PPFIA4: variants seen among roughly 807,000 people sequenced by gnomAD.
PPFIA4 encodes the protein PPFI scaffold protein A4.
A neutral mutation model predicts 145.7 loss-of-function variants in PPFIA4; 98 were observed. The ratio of observed to expected loss-of-function variants is 0.67; its 90% CI spans 0.57 to 0.80. PPFIA4 has a LOEUF of 0.80. Ranked by LOEUF, PPFIA4 falls within the 30% of genes least tolerant of loss-of-function variation. The pLI, the probability that PPFIA4 is intolerant of heterozygous loss-of-function variation, is 0.00. For synonymous variants in PPFIA4, 628 were observed against 649.6 expected (o/e 0.97, Z 0.51); for missense variants, 1,457 against 1,632.7 (o/e 0.89, Z 1.85).
rs1659900197 is a variant in PPFIA4, at chr1:203,044,180, G to A, written c.501+85G>A. 9 of 1,409,752 alleles carry A rather than the reference G, an allele frequency of 6.4e-6. No homozygotes were observed. The Admixed American group carries it at 1.2e-4, about 18-fold the overall frequency. 87.3% of individuals were successfully genotyped at this position (1,409,752 alleles called of 1,614,324 possible). On this transcript the variant is annotated intron_variant, in intron 4 of 29. Coordinates refer to ENST00000295706, the MANE Select transcript of PPFIA4 (RefSeq NM_001304331.2). ...TCCCTTCTCTGAGATTTCCACATCC[G>A]GTATTTAGGGAGCACTGGCTCCCTC... is the stretch of plus-strand genomic sequence containing the variant.
rs892026932 is a variant in PPFIA4 at position 203,046,474 on chromosome 1, A to C, written c.1140+92A>C. 1.3e-5 allele frequency: 18 copies of C among 1,431,028 alleles called. No individual in the cohort carries two copies. In the Admixed American group the frequency reaches 4.3e-4, roughly 34 times the overall value. The allele number at this position is 1,431,028 out of a possible 1,614,324, so 88.6% of individuals were successfully genotyped here. A position where few individuals can be genotyped will look rare whatever the true frequency, so the allele number is the denominator to read the frequency against. Reference sequence around the variant, plus strand: ...AGGGAAGGGAGCGCGTGGGAGGCGCACTGGGCCAGGAGCCAGAAAACTGCT... The same window carrying C: ...AGGGAAGGGAGCGCGTGGGAGGCGCCCTGGGCCAGGAGCCAGAAAACTGCT... On this transcript the variant is annotated intron_variant, in intron 9 of 29. Transcript: ENST00000295706.
chr1:203,076,330 C>G lies in PPFIA4; in HGVS notation c.3575-11C>G, dbSNP rs773941227. On this transcript the variant is annotated splice_polypyrimidine_tract_variant and intron_variant, in intron 29 of 29. Transcript: ENST00000295706. ...CTCACAGTGCGATGCCTGTCTCTCT[C>G]TCTCCCTCAGCTCACTCCCACTATC... 3 of 1,603,558 alleles carry G rather than the reference C, an allele frequency of 1.9e-6. No individual in the cohort carries two copies. Among genetic ancestry groups the G allele is most frequent in the African/African-American group, 2.7e-5 (2 of 74,936 alleles).
intron 14 of PPFIA4, among the ~76,000 whole-genome samples, chr1:203,053,519 G>T (rs12732801): frequency 0.24 from 35,858 of 148,344 alleles, 4,341 homozygotes; most frequent in Middle Eastern, 0.3. Flanking sequence ...GGTGACAGAG[G>T]GAGACTCCAT....
chr1:203,056,589 T>C, intron 18 of PPFIA4, 81 bp downstream of exon 18: 1 of 1,520,224 alleles, frequency 6.6e-7, no homozygotes, highest in South Asian at 1.2e-5. Context: ...AGGGACCGCA[T>C]CTCCCCTGTC....
In PPFIA4 at chr1:203,075,890, C is replaced by A; in HGVS notation, c.3574+133C>A. ...CCCGCGCTCCTGCGCTGCAGCTGCA[C>A]TAACGCTCCGCGGGGAGCGTGTGTG... On this transcript the variant is annotated intron_variant, in intron 29 of 29. Transcript: ENST00000295706. The surrounding 1 kb of genome is among the most constrained non-coding windows in gnomAD (Gnocchi z 4.1). 2.1e-6 allele frequency: 2 copies of A among 940,270 alleles called. No homozygotes were observed. Among genetic ancestry groups the A allele is most frequent in the Non-Finnish European group, 2.9e-6 (2 of 685,392 alleles). The allele number at this position is 940,270 out of a possible 1,614,324, so 58.2% of individuals were successfully genotyped here. A position where few individuals can be genotyped will look rare whatever the true frequency, so the allele number is the denominator to read the frequency against.
chr1:203,053,772 T>C lies in PPFIA4; in HGVS notation c.1640T>C (p.Leu547Pro), dbSNP rs1239003578. 6.4e-7 allele frequency: 1 copy of C among 1,551,232 alleles called. No individual in the cohort carries two copies. ...ESAKDWETSPLPGMLAPAAGP... is the reference protein window; with the variant it reads ...ESAKDWETSPPPGMLAPAAGP... ...GCTAAGGACTGGGAGACTTCTCCAC[T>C]GCCTGGGATGCTGGCCCCGGCAGCT... Residue 547 changes from leucine (L) to proline (P), a missense_variant, in exon 15 of 30, where the codon CTG becomes CCG. Around this residue, in one of 3 missense-constraint regions of PPFIA4, gnomAD observed 848 missense variants for 1,046.7 expected, o/e 0.81. Transcript: ENST00000295706.
rs1210472679 is a variant in PPFIA4 at position 203,049,662 on chromosome 1, G to A, written c.1420-14G>A. 30 of 1,513,360 alleles carry A rather than the reference G, an allele frequency of 2.0e-5. No homozygotes were observed. Among genetic ancestry groups the A allele is most frequent in the Admixed American group, 4.2e-5 (2 of 48,004 alleles). 93.7% of individuals were successfully genotyped at this position (1,513,360 alleles called of 1,614,324 possible). On this transcript the variant is annotated splice_polypyrimidine_tract_variant and intron_variant, in intron 12 of 29. Coordinates refer to ENST00000295706, the MANE Select transcript of PPFIA4 (RefSeq NM_001304331.2). ...GCCCCCACTCCCGCCCCCACCCCGG[G>A]TCTGCTGGCACAGGGCCGCCTGTCT... is the stretch of plus-strand genomic sequence containing the variant.
Position 203,068,442 on chromosome 1 carries a change from C to G in PPFIA4, c.3149-11C>G, listed in dbSNP as rs745526754. 2 of 1,583,612 alleles carry G rather than the reference C, an allele frequency of 1.3e-6. No homozygotes were observed. The highest frequency in any genetic ancestry group is 1.7e-4 in the Middle Eastern group (1 of 5,944). The stretch of plus-strand genomic sequence containing the variant: ...ATCTCCTTCCGTCCCTTTTCTTCCC[C>G]CACACTCCAGATGTGTTAGTCTGGA... On this transcript the variant is annotated splice_polypyrimidine_tract_variant and intron_variant, in intron 26 of 29. Coordinates refer to ENST00000295706, the MANE Select transcript of PPFIA4 (RefSeq NM_001304331.2). The surrounding 1 kb of genome is among the most constrained non-coding windows in gnomAD (Gnocchi z 4.7).
At position 203,033,803 on chromosome 1, in the gene PPFIA4, T is replaced by C. The variant is rs575493134; in HGVS notation, c.-399-4807T>C. Among the ~76,000 whole-genome samples, 4 of 152,214 alleles carry C rather than the reference T, an allele frequency of 2.6e-5. No individual in the cohort carries two copies. In the East Asian group the frequency reaches 7.7e-4, roughly 29 times the overall value. Reference sequence around the variant, plus strand: ...GACCACCCTGGCCAAAATGCTGAAATGCCATCTCTACTAAAAATAAAAAAA... The same window carrying C: ...GACCACCCTGGCCAAAATGCTGAAACGCCATCTCTACTAAAAATAAAAAAA... On this transcript the variant is annotated intron_variant, in intron 1 of 29. Transcript: ENST00000295706.
At chr1:203,040,716 T>C (rs2102625460) in intron 2 of PPFIA4, among the ~76,000 whole-genome samples, 1 of 152,350 alleles carries the variant, frequency 6.6e-6, no homozygotes, top group Admixed American at 6.5e-5. Flanking sequence ...AAGTGCTTTC[T>C]ATACATTGGC....
chr1:203,052,848 G>T (rs1159283008), intron 14 of PPFIA4, among the ~76,000 whole-genome samples: 3 of 152,208 alleles, frequency 2.0e-5, no homozygotes, highest in African/African-American at 7.2e-5. Context: ...GCCTCTCAGG[G>T]TTGACCAGAC....
intron 12 of PPFIA4, 77 bp from the exon 13 acceptor site, chr1:203,049,599 C>T: frequency 1.6e-6 from 2 of 1,225,654 alleles, no homozygotes; most frequent in Non-Finnish European, 2.2e-6. Flanking sequence ...CCTCTTTGTC[C>T]CTCTCTGACT....
In PPFIA4 at chr1:203,048,708, G is replaced by A. The variant is rs563073820; in HGVS notation, c.1350G>A (p.Glu450=). ...LHLKERMAAL[E]EKNTLIQELE... is the part of the protein sequence containing the mutation. Reference sequence around the variant, plus strand: ...TGAAGGAGCGCATGGCTGCCCTGGAGGAGAAGGTGCCCAGAGGGGCGGGGT... The same window carrying A: ...TGAAGGAGCGCATGGCTGCCCTGGAAGAGAAGGTGCCCAGAGGGGCGGGGT... Residue 450 remains glutamate, a synonymous_variant, in exon 11 of 30, where the codon GAG becomes GAA. Transcript: ENST00000295706. The surrounding 1 kb of genome is among the most constrained non-coding windows in gnomAD (Gnocchi z 5.8). 62 of 1,611,548 alleles carry A rather than the reference G, an allele frequency of 3.8e-5. No homozygotes were observed. The East Asian group carries it at 1.2e-3, about 32-fold the overall frequency.
At chr1:203,039,320 A>C in intron 2 of PPFIA4, 78 bp downstream of exon 2, 1 of 1,041,412 alleles carries the variant, frequency 9.6e-7, no homozygotes, top group Non-Finnish European at 1.4e-6. Context: ...CCCTCAGCTC[A>C]TCTGCATCTA....
At chr1:203,031,269 G>A (rs1658806538) in intron 1 of PPFIA4, among the ~76,000 whole-genome samples, 1 of 152,188 alleles carries the variant, frequency 6.6e-6, no homozygotes, top group Non-Finnish European at 1.5e-5. Flanking sequence ...TGTTGCCCAG[G>A]CTGGTTTCTA....
chr1:203,076,002 C>T, intron 29 of PPFIA4: 1 of 550,016 alleles, frequency 1.8e-6, no homozygotes, highest in Non-Finnish European at 3.1e-6. Context: ...TGGAGACCTC[C>T]ACGGTTCGGA....
At position 203,049,679 on chromosome 1, in the gene PPFIA4, C is replaced by A; in HGVS notation, c.1423C>A (p.Arg475Ser). ...QIEEQHHHKGRLSEEIEKLRQ... is the reference protein window; with the variant it reads ...QIEEQHHHKGSLSEEIEKLRQ... ...CACCCCGGGTCTGCTGGCACAGGGCCGCCTGTCTGAAGAGATTGAGAAGCT... is the reference window on the plus strand; with the variant it reads ...CACCCCGGGTCTGCTGGCACAGGGCAGCCTGTCTGAAGAGATTGAGAAGCT... The change falls in exon 13 of 30, where the codon CGC becomes AGC. Residue 475 changes from arginine to serine, a missense_variant. Physicochemically the swap from Arg to Ser is moderately radical, Grantham distance 110. Coordinates refer to ENST00000295706, the MANE Select transcript of PPFIA4 (RefSeq NM_001304331.2). 2 of 1,557,414 alleles carry A rather than the reference C, an allele frequency of 1.3e-6. No individual in the cohort carries two copies. The highest frequency in any genetic ancestry group is 8.7e-7 in the Non-Finnish European group (1 of 1,150,672).
At position 203,048,811 on chromosome 1, in the gene PPFIA4, G is replaced by A. The variant is rs1222809583; in HGVS notation, c.1356+97G>A. The stretch of plus-strand genomic sequence containing the variant: ...ATGGGCGCAGGCGGGGTCTCAATGG[G>A]GTGGGTGGCCAGCCTGGAGAGGTGG... On this transcript the variant is annotated intron_variant, in intron 11 of 29. Coordinates refer to ENST00000295706, the MANE Select transcript of PPFIA4 (RefSeq NM_001304331.2). The surrounding 1 kb of genome is among the most constrained non-coding windows in gnomAD (Gnocchi z 5.8). 6.5e-7 allele frequency: 1 copy of A among 1,533,792 alleles called. No homozygotes were observed. The highest frequency in any genetic ancestry group is 1.4e-5 in the African/African-American group (1 of 73,160).
At chr1:203,054,100 A>C in intron 15 of PPFIA4, 139 bp downstream of exon 15, 1 of 974,014 alleles carries the variant, frequency 1.0e-6, no homozygotes, top group Non-Finnish European at 1.6e-6. Flanking sequence ...TCTGTGGGTC[A>C]TCAGGCCCGC....
Sources: allele counts gnomAD v4.1 joint callset (sites outside exome capture counted in the v4.1 genomes callset), GRCh38; gene constraint gnomAD v4.1.1; regional missense constraint gnomAD v4.1.1; non-coding constraint Gnocchi (gnomAD v3.1); transcripts MANE v1.5; gene names NCBI Gene and HGNC (gene_info 2026-07-23, HGNC 2026-07-21).